The following GALNTL6 variants were observed in gnomAD, a reference collection of about 807,000 sequenced individuals.
GALNTL6 encodes polypeptide N-acetylgalactosaminyltransferase-like 6.
In GALNTL6, 46 loss-of-function variants were observed where a neutral mutation model predicts 73.7. That is an observed-to-expected ratio of 0.62 (90% CI 0.49 to 0.80). The LOEUF (loss-of-function observed/expected upper bound fraction) is 0.80, where lower values mean the gene tolerates loss of function less well. Ranked by LOEUF, GALNTL6 falls within the 30% of genes least tolerant of loss-of-function variation. The pLI, the probability that GALNTL6 is intolerant of heterozygous loss-of-function variation, is 0.00. For synonymous variants in GALNTL6, 259 were observed against 263.7 expected (o/e 0.98, Z 0.17); for missense variants, 604 against 755.0 (o/e 0.80, Z 2.34).
intron 5 of GALNTL6, among the ~76,000 whole-genome samples, chr4:172,753,383 G>A (rs1737545075): frequency 6.6e-6 from 1 of 152,150 alleles, no homozygotes; most frequent in Non-Finnish European, 1.5e-5. Context: ...AACATGAATA[G>A]AGTACATTTA....
intron 8 of GALNTL6, among the ~76,000 whole-genome samples, chr4:172,929,957 A>G (rs1748239566): frequency 6.6e-6 from 1 of 152,226 alleles, no homozygotes; most frequent in East Asian, 1.9e-4. Flanking sequence ...AAATATAACC[A>G]TGACTTTTGT....
chr4:172,948,462 T>C (rs937998790), intron 9 of GALNTL6, among the ~76,000 whole-genome samples: 1 of 151,982 alleles, frequency 6.6e-6, no homozygotes, highest in African/African-American at 2.4e-5. Flanking sequence ...GCTGTTTTGT[T>C]TTTCTTTGAG....
chr4:172,031,220 T>TAA (rs72531569), intron 2 of GALNTL6, among the ~76,000 whole-genome samples: 66,620 of 151,724 alleles, frequency 0.44, 15,089 homozygotes, highest in Admixed American at 0.54. Context: ...GATCCACAGG[T>TAA]AGTTCCCTGT....
At position 172,897,205 on chromosome 4, in the gene GALNTL6, G is replaced by A. The variant is rs528159400; in HGVS notation, c.1041+14298G>A. On this transcript the variant is annotated intron_variant, in intron 8 of 12. Transcript: ENST00000506823. The stretch of plus-strand genomic sequence containing the variant: ...GAAAGCCTGGTCTCATTGGCTAAGA[G>A]GGACGTGTGTCTTTCAGCAAATCTC... 3.9e-5 allele frequency among the ~76,000 whole-genome samples: 6 copies of A among 152,282 alleles called. No individual in the cohort carries two copies. In the East Asian group the frequency reaches 7.8e-4, roughly 20 times the overall value.
At chr4:172,544,178 C>T (rs1433923932) in intron 5 of GALNTL6, among the ~76,000 whole-genome samples, 1 of 152,146 alleles carries the variant, frequency 6.6e-6, no homozygotes, top group African/African-American at 2.4e-5. Flanking sequence ...TTTTCCTCAA[C>T]AGCCTGTATC....
chr4:172,421,913 A>G (rs1303207027), intron 5 of GALNTL6, among the ~76,000 whole-genome samples: 1 of 148,818 alleles, frequency 6.7e-6, no homozygotes, highest in Non-Finnish European at 1.5e-5. Flanking sequence ...TAGAGTGAAG[A>G]ACTATTTTTG....
chr4:172,783,727 C>T (rs958543778), intron 5 of GALNTL6, among the ~76,000 whole-genome samples: 3 of 151,880 alleles, frequency 2.0e-5, no homozygotes, highest in African/African-American at 7.2e-5. Flanking sequence ...TATCCTTCTC[C>T]TTTAGCAATA....
chr4:172,982,994 G>A (rs1402429865), intron 10 of GALNTL6, among the ~76,000 whole-genome samples: 1 of 152,170 alleles, frequency 6.6e-6, no homozygotes, highest in African/African-American at 2.4e-5. Flanking sequence ...GTGAATGGGT[G>A]GGAGGGAGGT....
chr4:172,363,959 A>C (rs958967695), intron 5 of GALNTL6, among the ~76,000 whole-genome samples: 9 of 152,328 alleles, frequency 5.9e-5, no homozygotes, highest in African/African-American at 2.2e-4. Flanking sequence ...GAAACAAACT[A>C]TACTTCTTTG....
chr4:172,617,539 C>T (rs537023118), intron 5 of GALNTL6, among the ~76,000 whole-genome samples: 34 of 151,998 alleles, frequency 2.2e-4, no homozygotes, highest in African/African-American at 7.5e-4. Flanking sequence ...AGTAGTGGCA[C>T]GATCTCAGCT....
chr4:171,854,242 T>TGTGA (rs1735617092), intron 2 of GALNTL6, among the ~76,000 whole-genome samples: 1 of 152,142 alleles, frequency 6.6e-6, no homozygotes, highest in Non-Finnish European at 1.5e-5. Context: ...CCTTTCTCCT[T>TGTGA]GTGAGTATTG....
intron 8 of GALNTL6, among the ~76,000 whole-genome samples, chr4:172,899,158 C>T (rs1474409843): frequency 2.0e-5 from 3 of 152,188 alleles, no homozygotes; most frequent in Non-Finnish European, 2.9e-5. Context: ...AAAGCCTTTC[C>T]TTCCACAACT....
At chr4:172,266,492 A>G (rs1376240683) in intron 3 of GALNTL6, 1 of 152,140 alleles carries the variant, frequency 6.6e-6, no homozygotes, top group African/African-American at 2.4e-5. Context: ...AAAGTAGACA[A>G]TATTTATAAC....
At chr4:172,281,223 G>A (rs1001413186) in intron 3 of GALNTL6, among the ~76,000 whole-genome samples, 3 of 152,116 alleles carry the variant, frequency 2.0e-5, no homozygotes, top group African/African-American at 7.2e-5. Context: ...CCGGAAGTGA[G>A]AAGTCCAAAA....
intron 2 of GALNTL6, among the ~76,000 whole-genome samples, chr4:172,029,614 A>G (rs575216922): frequency 6.6e-6 from 1 of 152,088 alleles, no homozygotes; most frequent in South Asian, 2.1e-4. Context: ...ACTAAATAGT[A>G]CATCACTGTT....
intron 5 of GALNTL6, among the ~76,000 whole-genome samples, chr4:172,518,144 T>C (rs1166169952): frequency 6.6e-6 from 1 of 151,952 alleles, no homozygotes; most frequent in Admixed American, 6.6e-5. Context: ...TGGCTATTTA[T>C]TATACAGTTT....
intron 5 of GALNTL6, among the ~76,000 whole-genome samples, chr4:172,481,977 C>T (rs565094339): frequency 1.6e-4 from 25 of 152,276 alleles, no homozygotes; most frequent in South Asian, 4.1e-4. Context: ...AGGAGCCCAC[C>T]GCAGGGGGCT....
At chr4:172,206,818 G>GTTTTTTTTTTTTT (rs1254869443) in intron 2 of GALNTL6, among the ~76,000 whole-genome samples, 1 of 62,852 alleles carries the variant, frequency 1.6e-5, no homozygotes, top group African/African-American at 4.5e-5. Flanking sequence ...TTTTTTGTTT[G>GTTTTTTTTTTTTT]TTTTTTTTTT....
intron 5 of GALNTL6, among the ~76,000 whole-genome samples, chr4:172,420,318 G>A (rs949693150): frequency 2.0e-5 from 3 of 152,190 alleles, no homozygotes; most frequent in Non-Finnish European, 4.4e-5. Context: ...TAGCACCATA[G>A]CACATATTGT....
Sources: allele counts gnomAD v4.1 joint callset (sites outside exome capture counted in the v4.1 genomes callset), GRCh38; gene constraint gnomAD v4.1.1; transcripts MANE v1.5; gene names NCBI Gene and HGNC (gene_info 2026-07-23, HGNC 2026-07-21).